Variants in TNIK observed in about 807,000 individuals in gnomAD.
TNIK encodes the protein TRAF2 and NCK interacting kinase.
A neutral mutation model predicts 191.3 loss-of-function variants in TNIK; 49 were observed. That is an observed-to-expected ratio of 0.26 (90% CI 0.20 to 0.32). The LOEUF is 0.32. Ranked by LOEUF, TNIK falls within the 10% of genes least tolerant of loss-of-function variation. The pLI, the probability that TNIK is intolerant of heterozygous loss-of-function variation, is 1.00. For missense variants in TNIK, 1,155 were observed against 1,702.3 expected, an observed-to-expected ratio of 0.68 and a Z score of 5.66; for synonymous variants, 594 against 600.9, an observed-to-expected ratio of 0.99 and a Z score of 0.17.
chr3:171,256,153 G>T (rs1270785645), intron 2 of TNIK, among the ~76,000 whole-genome samples: 1 of 152,006 alleles, frequency 6.6e-6, no homozygotes, highest in East Asian at 1.9e-4. Flanking sequence ...CATGGCTGTT[G>T]TTTCGGGGTT....
intron 2 of TNIK, among the ~76,000 whole-genome samples, chr3:171,241,020 CTTTTT>C (rs1048729828): frequency 6.9e-6 from 1 of 145,968 alleles, no homozygotes; most frequent in Non-Finnish European, 1.5e-5. Flanking sequence ...CCTTCTGTTT[CTTTTT>C]TTTTCTTTTC....
intron 1 of TNIK, among the ~76,000 whole-genome samples, chr3:171,452,667 G>A (rs1310448101): frequency 6.6e-6 from 1 of 151,130 alleles, no homozygotes; most frequent in African/African-American, 2.4e-5. Flanking sequence ...ATCTATTACT[G>A]TTTAATCAAA....
chr3:171,393,083 C>G (rs1178061125), intron 1 of TNIK, among the ~76,000 whole-genome samples: 1 of 152,174 alleles, frequency 6.6e-6, no homozygotes, highest in African/African-American at 2.4e-5. Flanking sequence ...TTTCCACCAC[C>G]TGCCTTGCCC....
At chr3:171,135,607 C>A (rs1252605821) in intron 15 of TNIK, among the ~76,000 whole-genome samples, 1 of 152,176 alleles carries the variant, frequency 6.6e-6, no homozygotes, top group Non-Finnish European at 1.5e-5. Flanking sequence ...AATATGAAAT[C>A]CCCAAAGAAT....
intron 1 of TNIK, among the ~76,000 whole-genome samples, chr3:171,432,911 TACTTAATATC>T (rs1725548098): frequency 6.6e-6 from 1 of 152,180 alleles, no homozygotes; most frequent in East Asian, 1.9e-4. Context: ...CAATGAGTTG[TACTTAATATC>T]TTCACATTTT....
At chr3:171,228,843 G>A (rs989880538) in intron 2 of TNIK, among the ~76,000 whole-genome samples, 10 of 152,168 alleles carry the variant, frequency 6.6e-5, no homozygotes, top group Admixed American at 4.6e-4. Context: ...AATCAGAAAC[G>A]AGTAGGGAGC....
intron 3 of TNIK, among the ~76,000 whole-genome samples, chr3:171,227,586 A>G (rs547111400): frequency 6.6e-6 from 1 of 152,326 alleles, no homozygotes; most frequent in Non-Finnish European, 1.5e-5. Flanking sequence ...TAACTACATA[A>G]GGCAGTGTGT....
At chr3:171,439,269 G>A (rs562020219) in intron 1 of TNIK, among the ~76,000 whole-genome samples, 4 of 151,594 alleles carry the variant, frequency 2.6e-5, no homozygotes, top group Admixed American at 6.6e-5. Context: ...GCATGAACCC[G>A]GGAGGCGGAG....
intron 1 of TNIK, among the ~76,000 whole-genome samples, chr3:171,419,883 G>A (rs1033083538): frequency 1.3e-5 from 2 of 152,130 alleles, no homozygotes; most frequent in African/African-American, 4.8e-5. Flanking sequence ...GTTTTTAGTG[G>A]CTACTGCAGA....
chr3:171,399,532 C>T (rs1160729567), intron 1 of TNIK, among the ~76,000 whole-genome samples: 1 of 152,022 alleles, frequency 6.6e-6, no homozygotes, highest in Non-Finnish European at 1.5e-5. Flanking sequence ...TAGGAAACAG[C>T]CTAAATGTTA....
At chr3:171,454,854 C>T (rs1357507097) in intron 1 of TNIK, among the ~76,000 whole-genome samples, 1 of 152,102 alleles carries the variant, frequency 6.6e-6, no homozygotes, top group Non-Finnish European at 1.5e-5. Flanking sequence ...AAATACTGGG[C>T]CATTAGTGTA....
chr3:171,429,125 C>T (rs556448816), intron 1 of TNIK, among the ~76,000 whole-genome samples: 77 of 152,302 alleles, frequency 5.1e-4, no homozygotes, highest in African/African-American at 1.8e-3. Context: ...TAGAAGTCAT[C>T]CTGCCCTACG....
At chr3:171,357,978 G>A (rs974945616) in intron 2 of TNIK, among the ~76,000 whole-genome samples, 1 of 152,108 alleles carries the variant, frequency 6.6e-6, no homozygotes, top group Non-Finnish European at 1.5e-5. Context: ...CAAGTGTGGG[G>A]CTACTCTGTG....
chr3:171,332,876 A>G (rs1351144395), intron 2 of TNIK, among the ~76,000 whole-genome samples: 3 of 152,250 alleles, frequency 2.0e-5, no homozygotes, highest in Admixed American at 2.0e-4. Flanking sequence ...AAAACTGGGA[A>G]AACCTCAGCT....
At chr3:171,134,733 A>G (rs1363950339) in intron 15 of TNIK, among the ~76,000 whole-genome samples, 2 of 152,250 alleles carry the variant, frequency 1.3e-5, no homozygotes, top group African/African-American at 2.4e-5. Flanking sequence ...TTGCTCTACA[A>G]TATCCAACAT....
chr3:171,314,411 A>G (rs531873359), intron 2 of TNIK, among the ~76,000 whole-genome samples: 26 of 152,218 alleles, frequency 1.7e-4, no homozygotes, highest in African/African-American at 6.3e-4. Context: ...AGACCAGAAG[A>G]TCCATGTAGA....
intron 1 of TNIK, among the ~76,000 whole-genome samples, chr3:171,452,562 A>T (rs1728290928): frequency 6.6e-6 from 1 of 151,980 alleles, no homozygotes; most frequent in Non-Finnish European, 1.5e-5. Context: ...ACCATCTCCC[A>T]AACTCTCTCT....
At chr3:171,262,119 G>A (rs1436870821) in intron 2 of TNIK, among the ~76,000 whole-genome samples, 1 of 152,216 alleles carries the variant, frequency 6.6e-6, no homozygotes, top group African/African-American at 2.4e-5. Flanking sequence ...TTTCACAACT[G>A]TGCTGATGAA....
intron 1 of TNIK, among the ~76,000 whole-genome samples, chr3:171,428,549 G>A (rs1263086028): frequency 3.3e-5 from 5 of 152,024 alleles, no homozygotes; most frequent in South Asian, 4.2e-4. Context: ...CTTAATGCTC[G>A]ACACTAAATT....
Sources: allele counts gnomAD v4.1 joint callset (sites outside exome capture counted in the v4.1 genomes callset), GRCh38; gene constraint gnomAD v4.1.1; transcripts MANE v1.5; gene names NCBI Gene and HGNC (gene_info 2026-07-23, HGNC 2026-07-21).